DMRT1: variants seen among roughly 807,000 people sequenced by gnomAD.
DMRT1 encodes the protein doublesex and mab-3 related transcription factor 1, also known as doublesex- and mab-3-related transcription factor 1.
DMRT1 carries 7 observed loss-of-function variants against 32.3 expected under a neutral mutation model. The observed-to-expected ratio is 0.22, with a 90% CI of 0.12 to 0.41. DMRT1 has a LOEUF of 0.41. DMRT1 is among the 10% of genes least tolerant of loss of function. DMRT1 has a pLI of 1.00. For missense variants in DMRT1, 625 were observed against 500.5 expected (o/e 1.25, Z -2.37); for synonymous variants, 278 against 206.1 (o/e 1.35, Z -2.99).
chr9:900,747 C>T (rs1156398455), intron 3 of DMRT1, among the ~76,000 whole-genome samples: 2 of 150,552 alleles, frequency 1.3e-5, no homozygotes, highest in Non-Finnish European at 2.9e-5. Flanking sequence ...TGCAGTAGTG[C>T]AATCGTAGCT....
intron 2 of DMRT1, among the ~76,000 whole-genome samples, chr9:852,190 G>C (rs1456147239): frequency 6.6e-6 from 1 of 151,786 alleles, no homozygotes; most frequent in East Asian, 1.9e-4. Flanking sequence ...GCCTGCCTCG[G>C]CCTCCCAAAG....
intron 1 of DMRT1, among the ~76,000 whole-genome samples, chr9:845,405 A>G (rs562052394): frequency 1.3e-5 from 2 of 151,880 alleles, no homozygotes; most frequent in South Asian, 4.2e-4. Flanking sequence ...ATGGGGTTTC[A>G]CCATATTGGT....
chr9:885,130 A>C (rs1816876250), intron 2 of DMRT1, among the ~76,000 whole-genome samples: 1 of 152,194 alleles, frequency 6.6e-6, no homozygotes, highest in Non-Finnish European at 1.5e-5. Flanking sequence ...GGGAGCATAC[A>C]GATGGGCAGG....
chr9:861,219 C>T, intron 2 of DMRT1, among the ~76,000 whole-genome samples: 1 of 151,970 alleles, frequency 6.6e-6, no homozygotes, highest in Non-Finnish European at 1.5e-5. Context: ...CTTCCGTCTT[C>T]TGCAGTGTTT....
intron 1 of DMRT1, chr9:842,505 G>A (rs1409631791): frequency 1.6e-5 from 6 of 365,380 alleles, no homozygotes; most frequent in South Asian, 1.2e-4. Flanking sequence ...CAAAGTGCTG[G>A]GATTACAGGC....
At chr9:855,563 A>G (rs891425363) in intron 2 of DMRT1, among the ~76,000 whole-genome samples, 5 of 152,270 alleles carry the variant, frequency 3.3e-5, no homozygotes, top group Non-Finnish European at 5.9e-5. Context: ...ACACCAGAGA[A>G]TAAAACTATT....
At chr9:967,942 C>T (rs1819984132) in intron 4 of DMRT1, 43 bp from the exon 5 acceptor site, 1 of 1,588,618 alleles carries the variant, frequency 6.3e-7, no homozygotes, top group Non-Finnish European at 8.6e-7. Flanking sequence ...TAACATTACT[C>T]CCTTTCTCCC....
chr9:878,662 G>C (rs1816610014), intron 2 of DMRT1, among the ~76,000 whole-genome samples: 1 of 152,094 alleles, frequency 6.6e-6, no homozygotes, highest in Non-Finnish European at 1.5e-5. Flanking sequence ...ATGAGGATTT[G>C]GAGCAAGGAT....
At chr9:881,981 C>CA (rs1816752652) in intron 2 of DMRT1, among the ~76,000 whole-genome samples, 1 of 152,226 alleles carries the variant, frequency 6.6e-6, no homozygotes, top group Non-Finnish European at 1.5e-5. Context: ...GACAGGCTTT[C>CA]ATGGCCATGA....
intron 3 of DMRT1, among the ~76,000 whole-genome samples, chr9:898,912 G>T (rs1817470373): frequency 6.6e-6 from 1 of 152,128 alleles, no homozygotes; most frequent in African/African-American, 2.4e-5. Flanking sequence ...CATGAACATG[G>T]AATATCTTTT....
At chr9:901,845 A>G (rs1372378755) in intron 3 of DMRT1, among the ~76,000 whole-genome samples, 8 of 151,304 alleles carry the variant, frequency 5.3e-5, no homozygotes, top group African/African-American at 1.9e-4. Flanking sequence ...TCCACAAGAT[A>G]ACACCCTCAC....
At chr9:950,695 T>A (rs1819400490) in intron 4 of DMRT1, among the ~76,000 whole-genome samples, 1 of 152,174 alleles carries the variant, frequency 6.6e-6, no homozygotes, top group African/African-American at 2.4e-5. Flanking sequence ...CTTAGGCTGG[T>A]AGATGAGCCT....
intron 4 of DMRT1, among the ~76,000 whole-genome samples, chr9:948,945 T>TAGC: frequency 7.2e-6 from 1 of 139,244 alleles, no homozygotes; most frequent in South Asian, 2.5e-4. Context: ...ATAATAATAA[T>TAGC]AGCCGGGCGT....
intron 4 of DMRT1, among the ~76,000 whole-genome samples, chr9:929,444 G>T (rs1233459683): frequency 6.6e-6 from 1 of 152,028 alleles, no homozygotes; most frequent in Admixed American, 6.5e-5. Flanking sequence ...TGCTAATCAT[G>T]CTTGGAAAGC....
intron 2 of DMRT1, among the ~76,000 whole-genome samples, chr9:862,911 C>G (rs1408366890): frequency 6.6e-6 from 1 of 152,002 alleles, no homozygotes; most frequent in Non-Finnish European, 1.5e-5. Context: ...AAGTTGGTAC[C>G]TTACATGGCA....
intron 2 of DMRT1, among the ~76,000 whole-genome samples, chr9:892,383 TC>T (rs1278334092): frequency 1.3e-5 from 2 of 152,062 alleles, no homozygotes; most frequent in African/African-American, 4.8e-5. Flanking sequence ...AGCACGCGTT[TC>T]ATGTTCCTCA....
At chr9:854,687 A>G (rs970162638) in intron 2 of DMRT1, among the ~76,000 whole-genome samples, 2 of 115,930 alleles carry the variant, frequency 1.7e-5, no homozygotes, top group Admixed American at 8.4e-5. Flanking sequence ...ATATTAGATT[A>G]AGAAAAAGCT....
chr9:901,558 C>G (rs1219736122), intron 3 of DMRT1, among the ~76,000 whole-genome samples: 1 of 150,022 alleles, frequency 6.7e-6, no homozygotes, highest in Non-Finnish European at 1.5e-5. Context: ...AGCTCCTGAC[C>G]TCAGGTGATC....
intron 2 of DMRT1, among the ~76,000 whole-genome samples, chr9:873,540 A>T (rs1490702124): frequency 6.6e-6 from 1 of 151,860 alleles, no homozygotes; most frequent in East Asian, 1.9e-4. Flanking sequence ...GCTGGTCTCG[A>T]ACTCCCGACC....
Sources: gnomAD v4.1 joint callset for allele counts (sites outside exome capture counted in the v4.1 genomes callset) on GRCh38, gnomAD v4.1.1 for gene constraint, MANE v1.5 for transcripts, NCBI Gene and HGNC (gene_info 2026-07-23, HGNC 2026-07-21) for gene names.